Variants in APOBEC3G observed in about 807,000 individuals in gnomAD.
APOBEC3G encodes the protein apolipoprotein B mRNA editing enzyme catalytic subunit 3G, also known as DNA dC->dU-editing enzyme APOBEC-3G.
Under a neutral mutation model 50.0 loss-of-function variants are expected in APOBEC3G, and 44 were observed. That is an observed-to-expected ratio of 0.88 (90% CI 0.69 to 1.13). The LOEUF is 1.13. Ranked by LOEUF, APOBEC3G falls within the 50% of genes most tolerant of loss-of-function variation. The pLI is 0.00. For missense variants in APOBEC3G, 469 were observed against 492.0 expected (o/e 0.95, Z 0.44); for synonymous variants, 156 against 175.3 (o/e 0.89, Z 0.87).
chr22:39,078,897 C>T, intron 1 of APOBEC3G, 35 bp from the exon 2 acceptor site: 3 of 1,612,090 alleles, frequency 1.9e-6, no homozygotes, highest in Non-Finnish European at 1.7e-6. Context: ...CAGGAGTGCT[C>T]TCTACATTGG....
At chr22:39,079,325 T>C (rs867306043) in intron 2 of APOBEC3G, 58 of 501,168 alleles carry the variant, frequency 1.2e-4, no homozygotes, top group African/African-American at 1.1e-3. Context: ...CTTTTTTCTT[T>C]TTTTTTTTTG....
chr22:39,087,164 CT>C lies in APOBEC3G; in HGVS notation c.1140+39del, dbSNP rs527643869. ...TCCCTCTGCCCAGTGCCCCATCGGC[CT>C]CCCCCTCCTCCCCTCTCCCCTGCGC... is the stretch of plus-strand genomic sequence containing the variant. On this transcript the variant is annotated intron_variant, in intron 7 of 7. Transcript: ENST00000407997. The C allele has an allele frequency of 4.0e-5, 64 of 1,612,896 alleles. No homozygotes were observed. The South Asian group carries it at 6.8e-4, about 17-fold the overall frequency.
At chr22:39,077,737 G>A (rs1320678113) in intron 1 of APOBEC3G, among the ~76,000 whole-genome samples, 1 of 152,232 alleles carries the variant, frequency 6.6e-6, no homozygotes, top group African/African-American at 2.4e-5. Context: ...GATGAGTAGA[G>A]CAAGGTGGAA....
chr22:39,081,374 G>A (rs1161379282), intron 3 of APOBEC3G, 97 bp from the exon 4 acceptor site: 1 of 1,527,430 alleles, frequency 6.5e-7, no homozygotes, highest in South Asian at 1.2e-5. Context: ...GGCGCTGACT[G>A]TAACTAGTAT....
In APOBEC3G at chr22:39,078,939, G is replaced by T. The variant is rs56033202; in HGVS notation, c.25G>T (p.Val9Leu). ...TCTCTCTTGTGTCTTCAGAAACACA[G>T]TGGAGCGAATGTATCGAGACACATT... MKPHFRNT[V>L]ERMYRDTFSY... The change falls in exon 2 of 8, where the codon GTG becomes TTG. Residue 9 changes from valine to leucine, a missense_variant. Transcript: ENST00000407997. 5 of 1,613,754 alleles carry T rather than the reference G, an allele frequency of 3.1e-6. No homozygotes were observed. The South Asian group carries it at 5.5e-5, about 18-fold the overall frequency.
At position 39,081,479 on chromosome 22, in the gene APOBEC3G, C is replaced by T; in HGVS notation, c.475C>T (p.His159Tyr). The T allele has an allele frequency of 6.2e-7, 1 of 1,613,972 alleles. No homozygotes were observed. The stretch of plus-strand genomic sequence containing the variant: ...TCTCTTCTTTTTCTTAGAATTTCAG[C>T]ACTGTTGGAGCAAGTTCGTGTACAG... ...MKIMNYDEFQHCWSKFVYSQR... is the reference protein window; with the variant it reads ...MKIMNYDEFQYCWSKFVYSQR... The change falls in exon 4 of 8, where the codon CAC becomes TAC. Residue 159 changes from histidine to tyrosine, a missense_variant. Transcript: ENST00000407997.
At chr22:39,086,631 C>G in intron 6 of APOBEC3G, 64 bp downstream of exon 6, 1 of 1,525,750 alleles carries the variant, frequency 6.6e-7, no homozygotes, top group East Asian at 2.3e-5. Context: ...CGGGAAGTTA[C>G]TAGAAAGTGG....
At position 39,083,767 on chromosome 22, in the gene APOBEC3G, T is replaced by C; in HGVS notation, c.618T>C (p.Phe206=). The C allele has an allele frequency of 6.2e-7, 1 of 1,613,948 alleles. No homozygotes were observed. The highest frequency in any genetic ancestry group is 2.2e-5 in the East Asian group (1 of 44,880). Residue 206 remains phenylalanine, a synonymous_variant, in exon 5 of 8, where the codon TTT becomes TTC. Coordinates refer to ENST00000407997, the MANE Select transcript of APOBEC3G (RefSeq NM_021822.4). ...SMDPPTFTFN[F]NNEPWVRGRH... ...ATCCACCCACATTCACTTTCAACTT[T>C]AACAATGAACCTTGGGTCAGAGGAC...
rs182234508 is a variant in APOBEC3G at position 39,085,725 on chromosome 22, G to A, written c.736-554G>A. On this transcript the variant is annotated intron_variant, in intron 5 of 7. Coordinates refer to ENST00000407997, the MANE Select transcript of APOBEC3G (RefSeq NM_021822.4). ...AATATGGTGAAACCCCGTCTCTACT[G>A]AAAATACAAAGATTAGCCAGGCGTG... is the stretch of plus-strand genomic sequence containing the variant. Among the ~76,000 whole-genome samples the A allele has an allele frequency of 3.2e-3, 492 of 151,650 alleles. 7 individuals are homozygous for A. Among genetic ancestry groups the A allele is most frequent in the Admixed American group, 0.023 (346 of 15,206 alleles).
At chr22:39,080,057 A>G in intron 2 of APOBEC3G, 1 of 172,158 alleles carries the variant, frequency 5.8e-6, no homozygotes. Flanking sequence ...AAAAAAAAAA[A>G]GAAATGAGTG....
intron 4 of APOBEC3G, 54 bp from the exon 5 acceptor site, chr22:39,083,677 G>A: frequency 6.3e-7 from 1 of 1,586,674 alleles, no homozygotes; most frequent in Non-Finnish European, 8.6e-7. Flanking sequence ...GGAGGGGGAG[G>A]TGGGACAGAC....
At chr22:39,080,877 C>G (rs1928407543) in intron 2 of APOBEC3G, 56 bp from the exon 3 acceptor site, 2 of 1,456,676 alleles carry the variant, frequency 1.4e-6, no homozygotes, top group South Asian at 2.6e-5. Context: ...TGCCCCACCC[C>G]TGCTCTCCTC....
In APOBEC3G at chr22:39,086,411, A is replaced by G. The variant is rs755728234; in HGVS notation, c.868A>G (p.Ser290Gly). 1 of 1,614,066 alleles carries G rather than the reference A, an allele frequency of 6.2e-7. No individual in the cohort carries two copies. Among genetic ancestry groups the G allele is most frequent in the African/African-American group, 1.3e-5 (1 of 74,918 alleles). ...CTTCACCTCCTGGAGCCCCTGCTTCAGCTGTGCCCAGGAAATGGCTAAATT... is the reference window on the plus strand; with the variant it reads ...CTTCACCTCCTGGAGCCCCTGCTTCGGCTGTGCCCAGGAAATGGCTAAATT... ...TCFTSWSPCF[S>G]CAQEMAKFIS... The change falls in exon 6 of 8, where the codon AGC (serine) becomes GGC (glycine). Residue 290 changes from serine (S) to glycine (G), a missense_variant. By Grantham distance (56) the Ser-to-Gly change is moderately conservative. Transcript: ENST00000407997.
chr22:39,081,824 T>C, intron 4 of APOBEC3G: 1 of 469,944 alleles, frequency 2.1e-6, no homozygotes. Flanking sequence ...CCCTTCTGCC[T>C]CCAGAGCAAC....
intron 5 of APOBEC3G, among the ~76,000 whole-genome samples, chr22:39,085,417 C>T (rs1242376900): frequency 2.6e-5 from 4 of 152,306 alleles, no homozygotes; most frequent in South Asian, 2.1e-4. Flanking sequence ...GGGAAGCACA[C>T]GCAGCTCAGT....
At chr22:39,084,800 TGAA>T (rs1183373628) in intron 5 of APOBEC3G, among the ~76,000 whole-genome samples, 1 of 152,182 alleles carries the variant, frequency 6.6e-6, no homozygotes, top group Non-Finnish European at 1.5e-5. Flanking sequence ...GGCCAGCATT[TGAA>T]GAAGAGCTGG....
chr22:39,081,880 A>G (rs1928479495), intron 4 of APOBEC3G: 4 of 353,050 alleles, frequency 1.1e-5, no homozygotes, highest in Middle Eastern at 1.7e-3. Flanking sequence ...GGCCCCTTCC[A>G]TCTCCCTGGC....
Position 39,086,397 on chromosome 22 carries a change from G to T in APOBEC3G, c.854G>T (p.Trp285Leu). Residue 285 changes from tryptophan to leucine, a missense_variant, in exon 6 of 8, where the codon TGG becomes TTG. By Grantham distance (61) the Trp-to-Leu change is moderately conservative. Transcript: ENST00000407997. ...TACAGGGTTACCTGCTTCACCTCCT[G>T]GAGCCCCTGCTTCAGCTGTGCCCAG... ...QDYRVTCFTSWSPCFSCAQEM... is the reference protein window; with the variant it reads ...QDYRVTCFTSLSPCFSCAQEM... 1 of 1,614,120 alleles carries T rather than the reference G, an allele frequency of 6.2e-7. No homozygotes were observed. Among genetic ancestry groups the T allele is most frequent in the African/African-American group, 1.3e-5 (1 of 75,010 alleles).
chr22:39,083,705 C>T, intron 4 of APOBEC3G, 26 bp from the exon 5 acceptor site: 1 of 1,611,608 alleles, frequency 6.2e-7, no homozygotes, highest in Non-Finnish European at 8.5e-7. Context: ...GCTCTTACTC[C>T]TCTGGGCTTT....
Sources: gnomAD v4.1 joint callset for allele counts (sites outside exome capture counted in the v4.1 genomes callset) on GRCh38, gnomAD v4.1.1 for gene constraint, MANE v1.5 for transcripts, NCBI Gene and HGNC (gene_info 2026-07-23, HGNC 2026-07-21) for gene names.